SLC7A2: variants seen among roughly 807,000 people sequenced by gnomAD.
The protein encoded by SLC7A2 is cationic amino acid transporter 2.
A neutral mutation model predicts 58.9 loss-of-function variants in SLC7A2; 48 were observed. The observed-to-expected ratio is 0.82, with a 90% CI of 0.65 to 1.04. SLC7A2 has a LOEUF of 1.04. Among genes scored for constraint, SLC7A2 ranks in the 50% least tolerant of loss-of-function variants. The pLI is 0.00. For missense variants in SLC7A2, 1,029 were observed against 818.8 expected (o/e 1.26, Z -3.13); for synonymous variants, 363 against 314.5 (o/e 1.15, Z -1.63).
intron 2 of SLC7A2, among the ~76,000 whole-genome samples, chr8:17,510,263 A>G (rs1363612354): frequency 6.6e-6 from 1 of 151,974 alleles, no homozygotes; most frequent in Admixed American, 6.6e-5. Flanking sequence ...TAAAAGAGTG[A>G]GCTGGCCTTT....
intron 2 of SLC7A2, among the ~76,000 whole-genome samples, chr8:17,509,657 T>C (rs1265949832): frequency 1.3e-5 from 2 of 152,092 alleles, no homozygotes; most frequent in South Asian, 2.1e-4. Flanking sequence ...AGTGCAATCA[T>C]TTTTATTTTT....
At chr8:17,551,332 G>A (rs536397958) in intron 6 of SLC7A2, among the ~76,000 whole-genome samples, 1 of 152,194 alleles carries the variant, frequency 6.6e-6, no homozygotes, top group Non-Finnish European at 1.5e-5. Context: ...GGGCACAGTG[G>A]CTCACGCCTG....
At chr8:17,554,001 T>G (rs966042110) in intron 7 of SLC7A2, among the ~76,000 whole-genome samples, 1 of 152,178 alleles carries the variant, frequency 6.6e-6, no homozygotes, top group Non-Finnish European at 1.5e-5. Context: ...CTTCTTTCCC[T>G]TCTTCTACCT....
Position 17,550,296 on chromosome 8 carries a change from C to G in SLC7A2, c.699-5C>G. 6.2e-7 allele frequency: 1 copy of G among 1,613,364 alleles called. No individual in the cohort carries two copies. The highest frequency in any genetic ancestry group is 8.5e-7 in the Non-Finnish European group (1 of 1,179,720). On this transcript the variant is annotated splice_region_variant and splice_polypyrimidine_tract_variant and intron_variant, in intron 5 of 12. Transcript: ENST00000494857. ...ACTTTCCAATGTGTTTGTTCTCTTT[C>G]TTAGAGAGCCACCTTCTGAAAACGG...
At chr8:17,503,891 C>G (rs975190324) in intron 2 of SLC7A2, among the ~76,000 whole-genome samples, 1 of 152,148 alleles carries the variant, frequency 6.6e-6, no homozygotes, top group Non-Finnish European at 1.5e-5. Flanking sequence ...CGTCTTTGCT[C>G]TTGAGTTCTG....
intron 2 of SLC7A2, among the ~76,000 whole-genome samples, chr8:17,541,982 C>G (rs1486041106): frequency 6.7e-6 from 1 of 149,880 alleles, no homozygotes; most frequent in Non-Finnish European, 1.5e-5. Context: ...TTTATTCATT[C>G]CATTTTTAAA....
chr8:17,509,556 T>C lies in SLC7A2; in HGVS notation c.-23+7254T>C, dbSNP rs1800512894. ...CCTGACCTCAAGTAATCCACCCGCC[T>C]TGGCCTCCCAAAGTGCTGGGAAGAC... On this transcript the variant is annotated intron_variant, in intron 2 of 12. Coordinates refer to ENST00000494857, the MANE Select transcript of SLC7A2 (RefSeq NM_001370338.1). Among the ~76,000 whole-genome samples, 4 of 152,114 alleles carry C rather than the reference T, an allele frequency of 2.6e-5. No individual in the cohort carries two copies. In the South Asian group the frequency reaches 8.3e-4, roughly 32 times the overall value.
chr8:17,500,084 G>T (rs925549173), intron 1 of SLC7A2: 2 of 152,112 alleles, frequency 1.3e-5, no homozygotes, highest in African/African-American at 4.8e-5. Context: ...TGTAACTCCG[G>T]TTTTAGAGGG....
Position 17,565,130 on chromosome 8 carries a change from A to C in SLC7A2, c.1961A>C (p.Lys654Thr), listed in dbSNP as rs201403477. 6.2e-7 allele frequency: 1 copy of C among 1,612,974 alleles called. No homozygotes were observed. The highest frequency in any genetic ancestry group is 2.2e-5 in the East Asian group (1 of 44,854). ...AGTTCACCTTTCATATTCCATGAAA[A>C]GACAAGTGAATTCTAACACTTGCAG... ...NLSSPFIFHE[K>T]TSEF The change falls in exon 13 of 13, where the codon AAG becomes ACG. Residue 654 changes from lysine (K) to threonine (T), a missense_variant. Coordinates refer to ENST00000494857, the MANE Select transcript of SLC7A2 (RefSeq NM_001370338.1).
Position 17,560,328 on chromosome 8 carries a change from G to C in SLC7A2, c.1299G>C (p.Arg433Ser), listed in dbSNP as rs1159799315. ...SLVAACVLIL[R>S]YQPGLSYDQP... is the part of the protein sequence containing the mutation. ...GACATAGATGTTTGTTTGGAAATAGGTACCAGCCTGGCTTATCTTACGACC... is the reference window on the plus strand; with the variant it reads ...GACATAGATGTTTGTTTGGAAATAGCTACCAGCCTGGCTTATCTTACGACC... The change falls in exon 10 of 13, where the codon AGG becomes AGC. Residue 433 changes from arginine (R) to serine (S), a missense_variant and splice_region_variant. Coordinates refer to ENST00000494857, the MANE Select transcript of SLC7A2 (RefSeq NM_001370338.1). 6.2e-7 allele frequency: 1 copy of C among 1,612,766 alleles called. No homozygotes were observed. Among genetic ancestry groups the C allele is most frequent in the Admixed American group, 1.7e-5 (1 of 60,010 alleles).
chr8:17,537,731 G>A (rs1350619302), intron 2 of SLC7A2, among the ~76,000 whole-genome samples: 1 of 152,164 alleles, frequency 6.6e-6, no homozygotes, highest in African/African-American at 2.4e-5. Context: ...CAGTCAGAGT[G>A]ACATACTAGC....
rs1223072563 is a variant in SLC7A2, at chr8:17,501,175, G to A, written c.-68-1082G>A. Reference sequence around the variant, plus strand: ...ATTACAGGCGTGTGCCACCATGTTCGGCTACTTTTTGTAATTTTAGTATAG... The same window carrying A: ...ATTACAGGCGTGTGCCACCATGTTCAGCTACTTTTTGTAATTTTAGTATAG... On this transcript the variant is annotated intron_variant, in intron 1 of 12. Transcript: ENST00000494857. Among the ~76,000 whole-genome samples the A allele has an allele frequency of 2.6e-5, 4 of 152,000 alleles. No individual in the cohort carries two copies. The South Asian group carries it at 6.2e-4, about 24-fold the overall frequency.
At chr8:17,539,298 G>A (rs2299564) in intron 2 of SLC7A2, among the ~76,000 whole-genome samples, 1 of 152,020 alleles carries the variant, frequency 6.6e-6, no homozygotes, top group Non-Finnish European at 1.5e-5. Flanking sequence ...AATAAGGTGC[G>A]TAGAAATGGT....
intron 8 of SLC7A2, among the ~76,000 whole-genome samples, chr8:17,556,093 G>A (rs2150767006): frequency 6.6e-6 from 1 of 152,126 alleles, no homozygotes; most frequent in South Asian, 2.1e-4. Context: ...TATAAATCTG[G>A]CCCTTTCTTA....
chr8:17,541,636 A>G (rs1448044771), intron 2 of SLC7A2, among the ~76,000 whole-genome samples: 1 of 152,060 alleles, frequency 6.6e-6, no homozygotes, highest in Admixed American at 6.6e-5. Context: ...TTCCTCAGTT[A>G]TTTTCTCATC....
rs192759775 is a variant in SLC7A2 at position 17,512,512 on chromosome 8, G to A, written c.-23+10210G>A. On this transcript the variant is annotated intron_variant, in intron 2 of 12. Transcript: ENST00000494857. ...CACTGAGGCAAGATCGTGCTACTGC[G>A]CTCCAGCCTAGGTGACAGAGCGAGA... Among the ~76,000 whole-genome samples the A allele has an allele frequency of 7.9e-5, 12 of 152,148 alleles. No individual in the cohort carries two copies. In the East Asian group the frequency reaches 1.4e-3, roughly 17 times the overall value.
At chr8:17,513,238 T>C (rs776987811) in intron 2 of SLC7A2, among the ~76,000 whole-genome samples, 4 of 152,184 alleles carry the variant, frequency 2.6e-5, no homozygotes, top group Admixed American at 6.5e-5. Context: ...GCCATATTGT[T>C]CCCCACAGCA....
intron 2 of SLC7A2, among the ~76,000 whole-genome samples, chr8:17,525,571 G>A (rs1200743490): frequency 6.6e-6 from 1 of 152,110 alleles, no homozygotes; most frequent in Admixed American, 6.5e-5. Flanking sequence ...GGGAGGTGCA[G>A]GTGATAATCC....
chr8:17,509,557 T>C lies in SLC7A2; in HGVS notation c.-23+7255T>C, dbSNP rs145836664. On this transcript the variant is annotated intron_variant, in intron 2 of 12. Transcript: ENST00000494857. ...CTGACCTCAAGTAATCCACCCGCCT[T>C]GGCCTCCCAAAGTGCTGGGAAGACA... Among the ~76,000 whole-genome samples the C allele has an allele frequency of 4.2e-3, 645 of 152,182 alleles. 10 individuals are homozygous for C. Among genetic ancestry groups the C allele is most frequent in the African/African-American group, 0.015 (625 of 41,540 alleles).
Sources: allele counts gnomAD v4.1 joint callset (sites outside exome capture counted in the v4.1 genomes callset), GRCh38; gene constraint gnomAD v4.1.1; transcripts MANE v1.5; gene names NCBI Gene and HGNC (gene_info 2026-07-23, HGNC 2026-07-21).